TBC1D8B: variants seen among roughly 807,000 people sequenced by gnomAD.
TBC1D8B encodes RP11-321G1.1.
A neutral mutation model predicts 82.9 loss-of-function variants in TBC1D8B; 75 were observed. The ratio of observed to expected loss-of-function variants is 0.90; its 90% confidence interval spans 0.75 to 1.10. The LOEUF is 1.10. Among genes scored for constraint, TBC1D8B ranks in the 50% least tolerant of loss-of-function variants. The pLI, the probability that TBC1D8B is intolerant of heterozygous loss-of-function variation, is 0.00. For missense variants in TBC1D8B, 794 were observed against 796.9 expected (o/e 1.00, Z 0.04); for synonymous variants, 276 against 276.8 (o/e 1.00, Z 0.03).
intron 1 of TBC1D8B, among the ~76,000 whole-genome samples, chrX:106,811,283 G>T (rs111708786): frequency 9.8e-5 from 11 of 112,028 alleles, no homozygotes; most frequent in African/African-American, 3.6e-4. Flanking sequence ...TCAGCACTTT[G>T]GGAGGCCAAG....
At chrX:106,808,452 C>T (rs1602402477) in intron 1 of TBC1D8B, among the ~76,000 whole-genome samples, 1 of 111,603 alleles carries the variant, frequency 9.0e-6, no homozygotes, top group East Asian at 2.8e-4. Flanking sequence ...AATTACTTTC[C>T]CCATGTTGTA....
At chrX:106,847,549 T>G (rs1458515498) in intron 10 of TBC1D8B, among the ~76,000 whole-genome samples, 1 of 111,956 alleles carries the variant, frequency 8.9e-6, no homozygotes, top group Non-Finnish European at 1.9e-5. Flanking sequence ...AAAGTAATGA[T>G]CTGACATTTG....
intron 4 of TBC1D8B, 107 bp downstream of exon 4, chrX:106,822,309 T>A: frequency 1.6e-6 from 1 of 640,221 alleles, no homozygotes; most frequent in Non-Finnish European, 2.3e-6. Context: ...TTAAAGGTAA[T>A]TAAACTGTAC....
intron 14 of TBC1D8B, among the ~76,000 whole-genome samples, chrX:106,857,806 A>G (rs1932728387): frequency 8.9e-6 from 1 of 112,600 alleles, no homozygotes; most frequent in African/African-American, 3.2e-5. Context: ...TTCTTTATCC[A>G]GTCTACTGTT....
chrX:106,822,000 A>T lies in TBC1D8B; in HGVS notation c.384A>T (p.Lys128Asn), dbSNP rs1931705723. 8.3e-7 allele frequency: 1 copy of T among 1,208,600 alleles called. No homozygotes were observed. Among genetic ancestry groups the T allele is most frequent in the Admixed American group, 2.2e-5 (1 of 45,561 alleles). The change falls in exon 4 of 21, where the codon AAA (lysine) becomes AAT (asparagine). Residue 128 changes from lysine to asparagine, a missense_variant. Coordinates refer to ENST00000357242, the MANE Select transcript of TBC1D8B (RefSeq NM_017752.3). ...KIRGLIAEEG[K>N]HCFAKEDDPE... Reference sequence around the variant, plus strand: ...AGGGATTAATTGCTGAAGAGGGAAAACATTGTTTTGCAAAAGAAGATGATC... The same window carrying T: ...AGGGATTAATTGCTGAAGAGGGAAATCATTGTTTTGCAAAAGAAGATGATC...
chrX:106,821,889 C>A, intron 3 of TBC1D8B, 88 bp from the exon 4 acceptor site: 1 of 763,896 alleles, frequency 1.3e-6, no homozygotes, highest in Non-Finnish European at 1.9e-6. Flanking sequence ...GCTGACTGTA[C>A]AATTGTATTC....
At position 106,840,900 on chromosome X, in the gene TBC1D8B, G is replaced by A. The variant is rs756523180; in HGVS notation, c.1719+16G>A. The A allele has an allele frequency of 6.9e-6, 8 of 1,167,183 alleles. No individual in the cohort carries two copies. The highest frequency in any genetic ancestry group is 9.3e-6 in the Non-Finnish European group (8 of 858,050). On this transcript the variant is annotated intron_variant, in intron 10 of 20. Transcript: ENST00000357242. ...ATACTGCCAGGTATGACTTAACTAT[G>A]AGCCCAACTGTGTGTATGTTCCAAA...
chrX:106,858,677 G>A lies in TBC1D8B; in HGVS notation c.2352+4381G>A, dbSNP rs375322097. On this transcript the variant is annotated intron_variant, in intron 14 of 20. Transcript: ENST00000357242. ...ACTCTGTAGGTTGTCTGTTTACTCTGTTGATAGTTTTACTGTGCAAATGCT... is the reference window on the plus strand; with the variant it reads ...ACTCTGTAGGTTGTCTGTTTACTCTATTGATAGTTTTACTGTGCAAATGCT... 1.5e-3 allele frequency among the ~76,000 whole-genome samples: 173 copies of A among 112,338 alleles called. 1 individual carries two copies. Among genetic ancestry groups the A allele is most frequent in the African/African-American group, 5.2e-3 (161 of 31,008 alleles).
At chrX:106,837,435 T>G (rs1031633315) in intron 7 of TBC1D8B, among the ~76,000 whole-genome samples, 10 of 111,831 alleles carry the variant, frequency 8.9e-5, no homozygotes, top group Admixed American at 8.5e-4. Flanking sequence ...AATAAGCACA[T>G]TAAAAGATTT....
intron 12 of TBC1D8B, among the ~76,000 whole-genome samples, 168 bp from the exon 13 acceptor site, chrX:106,853,353 A>G: frequency 9.0e-6 from 1 of 111,652 alleles, no homozygotes; most frequent in Non-Finnish European, 1.9e-5. Flanking sequence ...CTAGATATAC[A>G]ATCATGTCAT....
chrX:106,818,826 T>A (rs777293589), intron 2 of TBC1D8B, 53 bp downstream of exon 2: 1 of 931,454 alleles, frequency 1.1e-6, no homozygotes, highest in South Asian at 2.3e-5. Context: ...ACTACAAAGC[T>A]GAGTATTCAT....
chrX:106,820,426 A>T (rs1216290898), intron 2 of TBC1D8B, among the ~76,000 whole-genome samples: 1 of 111,378 alleles, frequency 9.0e-6, no homozygotes, highest in Non-Finnish European at 1.9e-5. Flanking sequence ...TAAAATCTAC[A>T]TTTACTTAGC....
At chrX:106,810,200 T>C (rs1440326853) in intron 1 of TBC1D8B, among the ~76,000 whole-genome samples, 1 of 111,862 alleles carries the variant, frequency 8.9e-6, no homozygotes, top group African/African-American at 3.3e-5. Context: ...CTGTGAAGCA[T>C]CTTGCCAAAA....
At chrX:106,813,086 G>A (rs1409312570) in intron 1 of TBC1D8B, among the ~76,000 whole-genome samples, 1 of 111,747 alleles carries the variant, frequency 8.9e-6, no homozygotes, top group Non-Finnish European at 1.9e-5. Flanking sequence ...TGAAACTCCT[G>A]ACCTCAGGTG....
At chrX:106,809,884 CAAAA>C (rs1234195385) in intron 1 of TBC1D8B, among the ~76,000 whole-genome samples, 2 of 36,795 alleles carry the variant, frequency 5.4e-5, no homozygotes, top group African/African-American at 8.8e-5. Flanking sequence ...GACTCCGTCT[CAAAA>C]AAAAAAAAAA....
chrX:106,826,010 C>T lies in TBC1D8B; in HGVS notation c.828-20C>T, dbSNP rs370172596. ...TCTAAAAATTCATTTGTGCCTTATC[C>T]CATTTTTTCTTTCCTACAGAGGTCT... On this transcript the variant is annotated intron_variant, in intron 5 of 20. Transcript: ENST00000357242. 1.1e-5 allele frequency: 13 copies of T among 1,193,121 alleles called. No individual in the cohort carries two copies. Among genetic ancestry groups the T allele is most frequent in the African/African-American group, 8.8e-5 (5 of 56,581 alleles).
chrX:106,820,602 G>A lies in TBC1D8B; in HGVS notation c.242-275G>A, dbSNP rs147438305. 8.6e-4 allele frequency among the ~76,000 whole-genome samples: 96 copies of A among 111,278 alleles called. 1 individual carries two copies. Among genetic ancestry groups the A allele is most frequent in the African/African-American group, 2.9e-3 (90 of 30,762 alleles). ...GTTATTCTTTAGGCACCAGTTACTA[G>A]CATCTTGTTTTCAGAATTTTATATA... is the stretch of plus-strand genomic sequence containing the variant. On this transcript the variant is annotated intron_variant, in intron 2 of 20. Transcript: ENST00000357242.
rs565689944 is a variant in TBC1D8B, at chrX:106,875,100, G to A, written c.*1135G>A. On this transcript the variant is annotated 3_prime_UTR_variant, in exon 21 of 21. Coordinates refer to ENST00000357242, the MANE Select transcript of TBC1D8B (RefSeq NM_017752.3). ...CATTTAGAGATAATGGGCTTTGTTAGCACTTTCAAAAAAAAAAAAAGCAAA... is the reference window on the plus strand; with the variant it reads ...CATTTAGAGATAATGGGCTTTGTTAACACTTTCAAAAAAAAAAAAAGCAAA... 1 of 108,748 alleles carries A rather than the reference G, an allele frequency of 9.2e-6. No individual in the cohort carries two copies. Among genetic ancestry groups the A allele is most frequent in the Admixed American group, 9.9e-5 (1 of 10,110 alleles). 9.0% of individuals were successfully genotyped at this position (108,748 alleles called of 1,213,427 possible). A position where few individuals can be genotyped will look rare whatever the true frequency, so the allele number is the denominator to read the frequency against.
chrX:106,849,492 A>T (rs1932541669), intron 11 of TBC1D8B: 1 of 1,018,107 alleles, frequency 9.8e-7, no homozygotes, highest in East Asian at 4.0e-5. Flanking sequence ...ACCAATTAGA[A>T]GGCCCTGGCT....
Sources: allele counts gnomAD v4.1 joint callset (sites outside exome capture counted in the v4.1 genomes callset), GRCh38; gene constraint gnomAD v4.1.1; transcripts MANE v1.5; gene names NCBI Gene and HGNC (gene_info 2026-07-23, HGNC 2026-07-21).